Variants in PABPC4L observed in about 807,000 individuals in gnomAD.
The protein encoded by PABPC4L is poly(A) binding protein cytoplasmic 4 like, also known as polyadenylate-binding protein 4-like.
For synonymous variants in PABPC4L, 169 were observed against 164.1 expected (o/e 1.03, Z -0.23); for missense variants, 452 against 451.4 (o/e 1.00, Z -0.01).
chr4:134,054,256 A>G, the PABPC4L span, among the ~76,000 whole-genome samples: 38 of 23,886 alleles, frequency 1.6e-3, no homozygotes, highest in Admixed American at 8.7e-3. Context: ...GTATATGTAT[A>G]TATATATATA....
chr4:134,018,361 C>A, the PABPC4L span, among the ~76,000 whole-genome samples: 1 of 152,174 alleles, frequency 6.6e-6, no homozygotes, highest in African/African-American at 2.4e-5. Context: ...TTGGTGGTCT[C>A]TTCACACTGA....
chr4:134,065,919 T>G, the PABPC4L span, among the ~76,000 whole-genome samples: 1 of 152,020 alleles, frequency 6.6e-6, no homozygotes, highest in South Asian at 2.1e-4. Flanking sequence ...ATCAGATGGT[T>G]ATAGGTGTGC....
chr4:134,173,616 G>T, the PABPC4L span, among the ~76,000 whole-genome samples: 1 of 151,978 alleles, frequency 6.6e-6, no homozygotes, highest in Non-Finnish European at 1.5e-5. Context: ...AATACAGTTA[G>T]ATAGAAGAAA....
chr4:134,197,981 T>C lies in PABPC4L; in HGVS notation c.*1926A>G, dbSNP rs1346320119. ...TTAAGAAAATAGATATATTTGCATATATAAGTTCGCAAGGATGTTAATCTC... is the reference window on the plus strand; with the variant it reads ...TTAAGAAAATAGATATATTTGCATACATAAGTTCGCAAGGATGTTAATCTC... On this transcript the variant is annotated 3_prime_UTR_variant, in exon 2 of 2. Transcript: ENST00000421491. 1 of 151,736 alleles carries C rather than the reference T, an allele frequency of 6.6e-6. No individual in the cohort carries two copies. The highest frequency in any genetic ancestry group is 2.4e-5 in the African/African-American group (1 of 41,394). 9.4% of individuals were successfully genotyped at this position (151,736 alleles called of 1,614,324 possible). A position where few individuals can be genotyped will look rare whatever the true frequency, so the allele number is the denominator to read the frequency against.
chr4:134,037,056 CA>C, the PABPC4L span, among the ~76,000 whole-genome samples: 48,386 of 141,006 alleles, frequency 0.34, 8,013 homozygotes, highest in Non-Finnish European at 0.36. Context: ...AACTCCATCT[CA>C]AAAAAAAAAA....
the PABPC4L span, among the ~76,000 whole-genome samples, chr4:134,134,963 T>A: frequency 6.6e-6 from 1 of 151,918 alleles, no homozygotes; most frequent in African/African-American, 2.4e-5. Flanking sequence ...AGAAGAAAGA[T>A]CTGTGTGTTA....
the PABPC4L span, among the ~76,000 whole-genome samples, chr4:134,089,587 A>T: frequency 3.3e-5 from 5 of 152,210 alleles, no homozygotes; most frequent in African/African-American, 1.2e-4. Context: ...TATAAATCAA[A>T]CTTTATCACA....
chr4:134,174,215 A>G, the PABPC4L span, among the ~76,000 whole-genome samples: 3 of 152,156 alleles, frequency 2.0e-5, no homozygotes, highest in Admixed American at 6.6e-5. Flanking sequence ...ATATGGAGCT[A>G]TCATCTCCTA....
the PABPC4L span, among the ~76,000 whole-genome samples, chr4:134,164,402 C>T: frequency 1.5e-4 from 22 of 151,618 alleles, 1 homozygote; most frequent in African/African-American, 4.6e-4. Flanking sequence ...CAAAAGACTC[C>T]TAGATTTTAT....
chr4:134,082,260 T>C, the PABPC4L span, among the ~76,000 whole-genome samples: 1 of 152,182 alleles, frequency 6.6e-6, no homozygotes, highest in African/African-American at 2.4e-5. Context: ...TTAGCTTTGT[T>C]TTTATTTCTG....
chr4:134,073,898 C>T, the PABPC4L span, among the ~76,000 whole-genome samples: 440 of 152,218 alleles, frequency 2.9e-3, 1 homozygote, highest in Middle Eastern at 0.01. Context: ...CACCATGTCC[C>T]GAGGCTGCAC....
chr4:134,097,013 T>C, the PABPC4L span, among the ~76,000 whole-genome samples: 3 of 151,950 alleles, frequency 2.0e-5, no homozygotes, highest in Non-Finnish European at 2.9e-5. Flanking sequence ...AATCACCTCA[T>C]GTTGTTCAAT....
chr4:134,045,734 T>C, the PABPC4L span, among the ~76,000 whole-genome samples: 4 of 152,140 alleles, frequency 2.6e-5, no homozygotes, highest in Non-Finnish European at 5.9e-5. Flanking sequence ...CTCTGTCCTT[T>C]TGAACCACTC....
the PABPC4L span, among the ~76,000 whole-genome samples, chr4:134,041,366 C>T: frequency 5.9e-5 from 9 of 152,054 alleles, no homozygotes; most frequent in South Asian, 2.1e-4. Flanking sequence ...AAATATGGCA[C>T]ATATACACCA....
chr4:133,955,467 T>A, the PABPC4L span, among the ~76,000 whole-genome samples: 2 of 152,116 alleles, frequency 1.3e-5, no homozygotes. Context: ...TGAATTTTTA[T>A]TACAATTATT....
At chr4:134,130,437 G>A in the PABPC4L span, among the ~76,000 whole-genome samples, 1 of 151,818 alleles carries the variant, frequency 6.6e-6, no homozygotes, top group Admixed American at 6.6e-5. Context: ...TACAGAAGAG[G>A]GACAAATTCC....
At chr4:134,042,603 A>T in the PABPC4L span, among the ~76,000 whole-genome samples, 2 of 152,182 alleles carry the variant, frequency 1.3e-5, no homozygotes, top group East Asian at 3.9e-4. Context: ...GGGGAAGGGA[A>T]CACTATTAAT....
the PABPC4L span, among the ~76,000 whole-genome samples, chr4:134,190,411 T>C: frequency 1.3e-5 from 2 of 152,176 alleles, no homozygotes; most frequent in Non-Finnish European, 2.9e-5. Context: ...TCAGTTCTTG[T>C]GTGGTTTGGG....
chr4:134,002,957 C>A, the PABPC4L span, among the ~76,000 whole-genome samples: 1 of 151,570 alleles, frequency 6.6e-6, no homozygotes, highest in Non-Finnish European at 1.5e-5. Context: ...CTAAAAACTG[C>A]AAAACTAGGA....
Sources: allele counts gnomAD v4.1 joint callset (sites outside exome capture counted in the v4.1 genomes callset), GRCh38; gene constraint gnomAD v4.1.1; transcripts MANE v1.5; gene names NCBI Gene and HGNC (gene_info 2026-07-23, HGNC 2026-07-21).